GRK5: variants seen among roughly 807,000 people sequenced by gnomAD.
GRK5 encodes the protein G protein-coupled receptor kinase 5.
In GRK5, 40 loss-of-function variants were observed where a neutral mutation model predicts 78.4. That is an observed-to-expected ratio of 0.51 (90% confidence interval 0.40 to 0.66). GRK5 has a LOEUF of 0.66. Among genes scored for constraint, GRK5 ranks in the 30% least tolerant of loss-of-function variants. The pLI is 0.00. For synonymous variants in GRK5, 289 were observed against 296.8 expected, an observed-to-expected ratio of 0.97 and a Z score of 0.27; for missense variants, 598 against 759.9, an observed-to-expected ratio of 0.79 and a Z score of 2.50.
At chr10:119,334,925 T>G (rs1260596581) in intron 2 of GRK5, 1 of 152,070 alleles carries the variant, frequency 6.6e-6, no homozygotes, top group Non-Finnish European at 1.5e-5. Context: ...CGAATTGCCT[T>G]GTGGGAGAGC....
rs1184666880 is a variant in GRK5, at chr10:119,264,021, G to T, written c.52+56052G>T. Reference sequence around the variant, plus strand: ...TTTCCTTTTCCCTGACACACATTCTGCAAGAGAAGACAGATGGCAGGCAGG... The same window carrying T: ...TTTCCTTTTCCCTGACACACATTCTTCAAGAGAAGACAGATGGCAGGCAGG... On this transcript the variant is annotated intron_variant, in intron 1 of 15. Coordinates refer to ENST00000392870, the MANE Select transcript of GRK5 (RefSeq NM_005308.3). The surrounding 1 kb of genome is among the most constrained non-coding windows in gnomAD (Gnocchi z 4.1). Among the ~76,000 whole-genome samples the T allele has an allele frequency of 3.3e-5, 5 of 152,274 alleles. No homozygotes were observed. Among genetic ancestry groups the T allele is most frequent in the Admixed American group, 2.0e-4 (3 of 15,292 alleles).
chr10:119,255,967 C>T (rs1175987990), intron 1 of GRK5, among the ~76,000 whole-genome samples: 3 of 152,202 alleles, frequency 2.0e-5, no homozygotes, highest in Non-Finnish European at 4.4e-5. Context: ...TATATAGTCT[C>T]TCACTTTGCT....
intron 1 of GRK5, among the ~76,000 whole-genome samples, chr10:119,294,197 C>T (rs74157650): frequency 0.013 from 2,009 of 152,334 alleles, 49 homozygotes; most frequent in African/African-American, 0.044. Flanking sequence ...GTTCAAATCT[C>T]TGCTCTGCCA....
intron 1 of GRK5, among the ~76,000 whole-genome samples, chr10:119,323,409 G>A (rs1277085756): frequency 6.6e-6 from 1 of 152,234 alleles, no homozygotes; most frequent in East Asian, 1.9e-4. Flanking sequence ...TGGACCCGTC[G>A]AGTTCTAACG....
At chr10:119,272,269 T>C (rs901086686) in intron 1 of GRK5, among the ~76,000 whole-genome samples, 1 of 152,184 alleles carries the variant, frequency 6.6e-6, no homozygotes, top group Non-Finnish European at 1.5e-5. Context: ...TCAGAGCTTT[T>C]CTCATGTGTA....
rs11198840 is a variant in GRK5, at chr10:119,240,256, A to G, written c.52+32287A>G. Among the ~76,000 whole-genome samples the G allele has an allele frequency of 5.7e-5, 7 of 123,890 alleles. No homozygotes were observed. In the East Asian group the frequency reaches 1.5e-3, roughly 26 times the overall value. The allele number at this position is 123,890 out of a possible 152,430, so 81.3% of individuals were successfully genotyped here. A position where few individuals can be genotyped will look rare whatever the true frequency, so the allele number is the denominator to read the frequency against. On this transcript the variant is annotated intron_variant, in intron 1 of 15. Coordinates refer to ENST00000392870, the MANE Select transcript of GRK5 (RefSeq NM_005308.3). ...CACTCTGTCACTCAGGCTGGAGTGC[A>G]GTGGCAGGATCTCCGCTCACTGCAA...
chr10:119,449,011 G>A (rs994861791), intron 13 of GRK5, among the ~76,000 whole-genome samples: 3 of 152,146 alleles, frequency 2.0e-5, no homozygotes, highest in Non-Finnish European at 2.9e-5. Context: ...GCTGTGCTTC[G>A]GCTCCTGCCA....
chr10:119,362,833 C>G (rs987935176), intron 2 of GRK5, among the ~76,000 whole-genome samples: 1 of 152,218 alleles, frequency 6.6e-6, no homozygotes, highest in Admixed American at 6.5e-5. Flanking sequence ...GGCAAAGGAG[C>G]ATCTGAAACT....
chr10:119,223,002 A>C (rs115352177), intron 1 of GRK5, among the ~76,000 whole-genome samples: 4 of 152,236 alleles, frequency 2.6e-5, no homozygotes, highest in African/African-American at 7.2e-5. Context: ...TTTCCTAGGG[A>C]TACGTAATAA....
intron 1 of GRK5, among the ~76,000 whole-genome samples, chr10:119,312,646 T>G (rs1850379364): frequency 6.6e-6 from 1 of 150,656 alleles, no homozygotes; most frequent in Non-Finnish European, 1.5e-5. Flanking sequence ...GAGGTGAGAG[T>G]GGGAGGAGGT....
Position 119,453,240 on chromosome 10 carries a change from CAAGA to C in GRK5, c.1642_1645del (p.Lys548GlyfsTer29). ...ACAGAAACCACCCTCCGGAACCGCC[CAAGA>C]AAGGGCTGCTCCAGAGACTCTTCAA... On this transcript the variant is annotated frameshift_variant, in exon 15 of 16. Transcript: ENST00000392870. LOFTEE classifies it high-confidence loss of function. 6.2e-7 allele frequency: 1 copy of C among 1,614,078 alleles called. No homozygotes were observed. The highest frequency in any genetic ancestry group is 8.5e-7 in the Non-Finnish European group (1 of 1,179,978).
At chr10:119,426,213 C>T (rs1161829539) in intron 6 of GRK5, among the ~76,000 whole-genome samples, 2 of 152,254 alleles carry the variant, frequency 1.3e-5, no homozygotes, top group African/African-American at 2.4e-5. Context: ...ACTCACAGCC[C>T]TTCCCTGCCT....
rs574601872 is a variant in GRK5 at position 119,412,908 on chromosome 10, G to A, written c.340-10258G>A. 5.9e-5 allele frequency among the ~76,000 whole-genome samples: 9 copies of A among 152,312 alleles called. No homozygotes were observed. The South Asian group carries it at 1.7e-3, about 28-fold the overall frequency. Reference sequence around the variant, plus strand: ...CAGCTGGGTGAGCAGGGCTGAGTGAGCTCAGGGAATCGGAGCTCGGCGAGA... The same window carrying A: ...CAGCTGGGTGAGCAGGGCTGAGTGAACTCAGGGAATCGGAGCTCGGCGAGA... On this transcript the variant is annotated intron_variant, in intron 4 of 15. Coordinates refer to ENST00000392870, the MANE Select transcript of GRK5 (RefSeq NM_005308.3). This position sits in a 1 kb window ranked among gnomAD's most constrained non-coding sequence, Gnocchi z 4.3.
chr10:119,249,534 G>A lies in GRK5; in HGVS notation c.52+41565G>A, dbSNP rs184635274. 2.2e-3 allele frequency among the ~76,000 whole-genome samples: 329 copies of A among 152,172 alleles called. 1 individual carries two copies. In the Middle Eastern group the frequency reaches 0.024, roughly 11 times the overall value. ...CTTATTTGAGATGGAGTCTCACTCT[G>A]TTGCCCAGGCTGGAGTGCAATGGCG... On this transcript the variant is annotated intron_variant, in intron 1 of 15. Coordinates refer to ENST00000392870, the MANE Select transcript of GRK5 (RefSeq NM_005308.3).
chr10:119,421,891 CA>C (rs1852576614), intron 4 of GRK5, among the ~76,000 whole-genome samples: 1 of 152,154 alleles, frequency 6.6e-6, no homozygotes, highest in African/African-American at 2.4e-5. Flanking sequence ...GAAAACAAGC[CA>C]CTGATTCCAT....
At chr10:119,413,573 C>T (rs1400603619) in intron 4 of GRK5, among the ~76,000 whole-genome samples, 1 of 152,016 alleles carries the variant, frequency 6.6e-6, no homozygotes, top group Non-Finnish European at 1.5e-5. Flanking sequence ...AGCGTTCCGT[C>T]TGCGGGCATT....
intron 1 of GRK5, among the ~76,000 whole-genome samples, chr10:119,266,651 G>A (rs1849503036): frequency 6.6e-6 from 1 of 151,412 alleles, no homozygotes; most frequent in South Asian, 2.1e-4. Context: ...AGGAGGAAGC[G>A]GGGAAGGTGG....
rs1166331460 is a variant in GRK5 at position 119,287,821 on chromosome 10, T to G, written c.53-38695T>G. Among the ~76,000 whole-genome samples the G allele has an allele frequency of 2.0e-5, 3 of 152,288 alleles. No homozygotes were observed. The East Asian group carries it at 5.8e-4, about 29-fold the overall frequency. ...GGATGTGTGTGCAAGGCTGGCACAGTCATCTCCCCCATACCATAGAGGACG... is the reference window on the plus strand; with the variant it reads ...GGATGTGTGTGCAAGGCTGGCACAGGCATCTCCCCCATACCATAGAGGACG... On this transcript the variant is annotated intron_variant, in intron 1 of 15. Coordinates refer to ENST00000392870, the MANE Select transcript of GRK5 (RefSeq NM_005308.3).
intron 2 of GRK5, among the ~76,000 whole-genome samples, chr10:119,371,857 G>A (rs953385697): frequency 2.6e-5 from 4 of 152,230 alleles, no homozygotes; most frequent in African/African-American, 9.6e-5. Flanking sequence ...CTGAGGCTGG[G>A]CCAGGTGCTC....
Sources: allele counts gnomAD v4.1 joint callset (sites outside exome capture counted in the v4.1 genomes callset), GRCh38; gene constraint gnomAD v4.1.1; non-coding constraint Gnocchi (gnomAD v3.1); transcripts MANE v1.5; gene names NCBI Gene and HGNC (gene_info 2026-07-23, HGNC 2026-07-21).